Variants in PPM1D observed in about 807,000 individuals in gnomAD.
PPM1D encodes the protein protein phosphatase, Mg2+/Mn2+ dependent 1D.
A neutral mutation model predicts 58.3 loss-of-function variants in PPM1D; 52 were observed. That is an observed-to-expected ratio of 0.89 (90% CI 0.71 to 1.12). The LOEUF (loss-of-function observed/expected upper bound fraction) is 1.12. Ranked by LOEUF, PPM1D falls within the 50% of genes most tolerant of loss-of-function variation. PPM1D has a pLI of 0.00. For synonymous variants in PPM1D, 278 were observed against 285.1 expected, an observed-to-expected ratio of 0.98 and a Z score of 0.25; for missense variants, 564 against 777.2, an observed-to-expected ratio of 0.73 and a Z score of 3.26.
chr17:60,662,917 A>T, intron 5 of PPM1D, 78 bp from the exon 6 acceptor site: 1 of 1,348,684 alleles, frequency 7.4e-7, no homozygotes, highest in Admixed American at 2.2e-5. Context: ...CTTCATAAGA[A>T]GCCTAATATC....
chr17:60,612,363 C>A (rs1002588590), intron 1 of PPM1D, among the ~76,000 whole-genome samples: 1 of 152,058 alleles, frequency 6.6e-6, no homozygotes, highest in Non-Finnish European at 1.5e-5. Flanking sequence ...TGTTGGTGTG[C>A]GAATATCAGA....
intron 3 of PPM1D, among the ~76,000 whole-genome samples, chr17:60,637,129 C>T (rs1455645328): frequency 5.3e-5 from 8 of 151,960 alleles, no homozygotes; most frequent in African/African-American, 1.7e-4. Context: ...CCCCCACGCC[C>T]GGCTAATTTT....
At chr17:60,619,216 C>CTT (rs375551529) in intron 1 of PPM1D, among the ~76,000 whole-genome samples, 2 of 142,622 alleles carry the variant, frequency 1.4e-5, no homozygotes, top group Non-Finnish European at 1.5e-5. Context: ...GCAGGATTTC[C>CTT]TTTTTTTTTT....
At chr17:60,655,532 A>G (rs911185628) in intron 4 of PPM1D, among the ~76,000 whole-genome samples, 1 of 151,998 alleles carries the variant, frequency 6.6e-6, no homozygotes, top group African/African-American at 2.4e-5. Flanking sequence ...TATTTTTAGC[A>G]GAGATGGGGT....
chr17:60,660,155 G>C (rs563664598), intron 5 of PPM1D, among the ~76,000 whole-genome samples: 12 of 152,276 alleles, frequency 7.9e-5, no homozygotes, highest in African/African-American at 2.9e-4. Flanking sequence ...GGCCAACATG[G>C]TGAAATCCTG....
chr17:60,642,220 G>A (rs749634140), intron 3 of PPM1D, among the ~76,000 whole-genome samples: 12 of 152,012 alleles, frequency 7.9e-5, no homozygotes, highest in Non-Finnish European at 1.3e-4. Context: ...AGATTCTAGG[G>A]ACTTTTACTA....
intron 2 of PPM1D, among the ~76,000 whole-genome samples, chr17:60,625,895 A>T (rs969686325): frequency 6.6e-6 from 1 of 152,138 alleles, no homozygotes; most frequent in Non-Finnish European, 1.5e-5. Flanking sequence ...TTCAGGTAGC[A>T]TAAAAAAGAG....
chr17:60,633,750 TG>T, intron 2 of PPM1D, 102 bp from the exon 3 acceptor site: 1 of 1,168,772 alleles, frequency 8.6e-7, no homozygotes, highest in South Asian at 1.6e-5. Flanking sequence ...GACATTATTT[TG>T]TAATAATGTA....
intron 3 of PPM1D, among the ~76,000 whole-genome samples, chr17:60,634,971 G>A (rs1395544578): frequency 6.6e-6 from 1 of 151,610 alleles, no homozygotes; most frequent in African/African-American, 2.4e-5. Flanking sequence ...AAGGAGACGG[G>A]GTCTCACTGT....
intron 1 of PPM1D, among the ~76,000 whole-genome samples, chr17:60,611,036 G>A (rs1177805861): frequency 2.6e-5 from 4 of 152,078 alleles, no homozygotes; most frequent in African/African-American, 4.8e-5. Flanking sequence ...TTTTTGAGAC[G>A]GAGTCTCGCT....
chr17:60,600,723 G>A lies in PPM1D; in HGVS notation c.309G>A (p.Val103=), dbSNP rs2030190866. 6.2e-7 allele frequency: 1 copy of A among 1,609,210 alleles called. No individual in the cohort carries two copies. The highest frequency in any genetic ancestry group is 1.7e-5 in the Admixed American group (1 of 59,320). The change falls in exon 1 of 6, where the codon GTG becomes GTA. Residue 103 remains valine (V), a synonymous_variant. Transcript: ENST00000305921. The part of the protein sequence containing the change: ...RRRSSVAFFA[V]CDGHGGREAA... ...GTTCCTCCGTGGCCTTTTTCGCCGT[G>A]TGCGACGGGCACGGCGGGCGGGAGG... is the stretch of plus-strand genomic sequence containing the variant.
chr17:60,663,704 A>T lies in PPM1D; in HGVS notation c.*152A>T. The T allele has an allele frequency of 1.3e-6, 1 of 775,432 alleles. No individual in the cohort carries two copies. The highest frequency in any genetic ancestry group is 2.7e-5 in the East Asian group (1 of 36,718). 48.0% of individuals were successfully genotyped at this position (775,432 alleles called of 1,614,324 possible). On this transcript the variant is annotated 3_prime_UTR_variant, in exon 6 of 6. Transcript: ENST00000305921. ...TTCAGCAGTTTTATCCTGGCCTTGT[A>T]CTTGCTTGTATTGTAAATGTGGATT...
intron 3 of PPM1D, among the ~76,000 whole-genome samples, chr17:60,643,101 T>C (rs2031169391): frequency 6.7e-6 from 1 of 149,128 alleles, no homozygotes; most frequent in African/African-American, 2.5e-5. Flanking sequence ...CAGTGACTTA[T>C]GTCTCTAATC....
Position 60,663,719 on chromosome 17 carries a change from A to G in PPM1D, c.*167A>G, listed in dbSNP as rs1237008112. 2.8e-6 allele frequency: 2 copies of G among 712,110 alleles called. No individual in the cohort carries two copies. The highest frequency in any genetic ancestry group is 1.8e-5 in the African/African-American group (1 of 55,904). 44.1% of individuals were successfully genotyped at this position (712,110 alleles called of 1,614,324 possible). A position where few individuals can be genotyped will look rare whatever the true frequency, so the allele number is the denominator to read the frequency against. ...CTGGCCTTGTACTTGCTTGTATTGT[A>G]AATGTGGATTTTGTAGATGTTAGGG... On this transcript the variant is annotated 3_prime_UTR_variant, in exon 6 of 6. Coordinates refer to ENST00000305921, the MANE Select transcript of PPM1D (RefSeq NM_003620.4).
intron 2 of PPM1D, among the ~76,000 whole-genome samples, chr17:60,625,838 A>G (rs1012558625): frequency 7.9e-5 from 12 of 152,322 alleles, no homozygotes; most frequent in African/African-American, 2.9e-4. Flanking sequence ...ATTTTATGCC[A>G]TACGTTTATT....
intron 2 of PPM1D, among the ~76,000 whole-genome samples, chr17:60,630,797 C>G (rs2030905609): frequency 6.6e-6 from 1 of 152,182 alleles, no homozygotes; most frequent in South Asian, 2.1e-4. Flanking sequence ...CTGTAAATTA[C>G]TTAGGTACTA....
Position 60,603,283 on chromosome 17 carries a change from C to CTG in PPM1D, c.472+2398_472+2399insGT, listed in dbSNP as rs532971413. 4.9e-3 allele frequency among the ~76,000 whole-genome samples: 753 copies of CTG among 152,146 alleles called. 5 individuals are homozygous for CTG. The highest frequency in any genetic ancestry group is 0.01 in the Middle Eastern group (3 of 294). On this transcript the variant is annotated intron_variant, in intron 1 of 5. Transcript: ENST00000305921. ...GGACCCCAGAGAGTTTTTATGTGGGCTACATCTTCCAGTATTTACTATATG... is the reference window on the plus strand; with the variant it reads ...GGACCCCAGAGAGTTTTTATGTGGGCTGTACATCTTCCAGTATTTACTATATG...
intron 1 of PPM1D, among the ~76,000 whole-genome samples, chr17:60,621,921 C>G (rs976600716): frequency 2.0e-5 from 3 of 147,820 alleles, no homozygotes; most frequent in Non-Finnish European, 4.5e-5. Context: ...GGCGTGGTGG[C>G]TCACGCCTGT....
intron 1 of PPM1D, among the ~76,000 whole-genome samples, chr17:60,614,902 A>G (rs8064361): frequency 0.046 from 7,076 of 152,200 alleles, 586 homozygotes; most frequent in African/African-American, 0.16. Flanking sequence ...TGCCTTTAAG[A>G]ACTGTAACAC....
Sources: gnomAD v4.1 joint callset for allele counts (sites outside exome capture counted in the v4.1 genomes callset) on GRCh38, gnomAD v4.1.1 for gene constraint, MANE v1.5 for transcripts, NCBI Gene and HGNC (gene_info 2026-07-23, HGNC 2026-07-21) for gene names.